AP3S2: variants seen among roughly 807,000 people sequenced by gnomAD.
AP3S2 encodes the protein adaptor related protein complex 3 subunit sigma 2.
Under a neutral mutation model 23.4 loss-of-function variants are expected in AP3S2, and 22 were observed. That is an observed-to-expected ratio of 0.94 (90% CI 0.67 to 1.34). The LOEUF (loss-of-function observed/expected upper bound fraction) is 1.34, where lower values mean the gene tolerates loss of function less well. AP3S2 is among the 40% of genes most tolerant of loss of function. The pLI, the probability that AP3S2 is intolerant of heterozygous loss-of-function variation, is 0.00. For missense variants in AP3S2, 241 were observed against 236.9 expected, an observed-to-expected ratio of 1.02 and a Z score of -0.11; for synonymous variants, 86 against 87.1, an observed-to-expected ratio of 0.99 and a Z score of 0.07.
Position 89,867,610 on chromosome 15 carries a change from C to A in AP3S2, c.345+3865G>T, listed in dbSNP as rs1272430152. Among the ~76,000 whole-genome samples, 237 of 129,276 alleles carry A rather than the reference C, an allele frequency of 1.8e-3. 3 individuals carry two copies. The highest frequency in any genetic ancestry group is 5.9e-3 in the African/African-American group (200 of 34,168). 84.8% of individuals were successfully genotyped at this position (129,276 alleles called of 152,430 possible). A position where few individuals can be genotyped will look rare whatever the true frequency, so the allele number is the denominator to read the frequency against. On this transcript the variant is annotated intron_variant, in intron 4 of 5. Coordinates refer to ENST00000336418, the MANE Select transcript of AP3S2 (RefSeq NM_005829.5). ...GCCATCACATCTAGGAAGTGAGGAG[C>A]GTCTCTGCCCGGCCGCCCATCGTCT...
At position 89,834,883 on chromosome 15, in the gene AP3S2, G is replaced by A. The variant is rs556034410; in HGVS notation, c.*632C>T. 1 of 151,604 alleles carries A rather than the reference G, an allele frequency of 6.6e-6. No homozygotes were observed. The highest frequency in any genetic ancestry group is 1.9e-4 in the East Asian group (1 of 5,164). 9.4% of individuals were successfully genotyped at this position (151,604 alleles called of 1,614,324 possible). A position where few individuals can be genotyped will look rare whatever the true frequency, so the allele number is the denominator to read the frequency against. On this transcript the variant is annotated 3_prime_UTR_variant, in exon 6 of 6. Transcript: ENST00000336418. ...CCACAGCACTCCAGCCTGGGTGACA[G>A]AGCAAGACTCCACCTCAAAAAAAAA... is the stretch of plus-strand genomic sequence containing the variant.
At chr15:89,862,354 GTTAA>G (rs1177624867) in intron 4 of AP3S2, among the ~76,000 whole-genome samples, 1 of 152,124 alleles carries the variant, frequency 6.6e-6, no homozygotes, top group Non-Finnish European at 1.5e-5. Context: ...TCCCAACTAT[GTTAA>G]TTGTGTTGTG....
chr15:89,865,205 T>A (rs766933709), intron 4 of AP3S2, among the ~76,000 whole-genome samples: 12 of 151,570 alleles, frequency 7.9e-5, no homozygotes, highest in Non-Finnish European at 1.5e-4. Flanking sequence ...CCTGGAAGGC[T>A]GTGTGTCCAT....
intron 4 of AP3S2, among the ~76,000 whole-genome samples, chr15:89,849,356 C>T (rs1261345341): frequency 2.6e-5 from 4 of 151,934 alleles, no homozygotes; most frequent in Admixed American, 6.6e-5. Flanking sequence ...TTGTTAATAT[C>T]TAAGTAATGA....
chr15:89,843,314 G>A (rs963015878), intron 4 of AP3S2, among the ~76,000 whole-genome samples: 8 of 151,298 alleles, frequency 5.3e-5, no homozygotes, highest in African/African-American at 1.7e-4. Context: ...ACAAAAGGAA[G>A]CACTTGTGCC....
At position 89,856,857 on chromosome 15, in the gene AP3S2, A is replaced by G. The variant is rs112258930; in HGVS notation, c.345+14618T>C. On this transcript the variant is annotated intron_variant, in intron 4 of 5. Transcript: ENST00000336418. ...CACTGCACTCCAGCCTGGGCAACAG[A>G]GTAAGACTCTGTCTTAAAAAAAAAA... is the stretch of plus-strand genomic sequence containing the variant. 1.4e-4 allele frequency among the ~76,000 whole-genome samples: 21 copies of G among 151,012 alleles called. No homozygotes were observed. In the East Asian group the frequency reaches 3.9e-3, roughly 28 times the overall value.
intron 4 of AP3S2, among the ~76,000 whole-genome samples, chr15:89,855,739 A>G (rs1265407145): frequency 3.5e-5 from 5 of 144,058 alleles, no homozygotes; most frequent in Admixed American, 6.9e-5. Flanking sequence ...AATCCCAGCT[A>G]CTTGGGAGGC....
At chr15:89,893,478 A>G in intron 1 of AP3S2, 4 of 384,726 alleles carry the variant, frequency 1.0e-5, no homozygotes, top group Non-Finnish European at 1.4e-5. Context: ...AGTTCTGGCT[A>G]TAACAAAAAC....
intron 4 of AP3S2, among the ~76,000 whole-genome samples, chr15:89,844,183 G>A (rs940307831): frequency 2.6e-5 from 4 of 151,674 alleles, no homozygotes; most frequent in African/African-American, 7.3e-5. Flanking sequence ...TTTTGGCTAG[G>A]GCCAAAAAAC....
chr15:89,885,294 A>G (rs1441553822), intron 3 of AP3S2, among the ~76,000 whole-genome samples: 1 of 151,908 alleles, frequency 6.6e-6, no homozygotes, highest in Non-Finnish European at 1.5e-5. Flanking sequence ...TCCCAGGTTC[A>G]GGTGATTCTC....
chr15:89,856,972 A>G (rs1181211770), intron 4 of AP3S2, among the ~76,000 whole-genome samples: 2 of 152,306 alleles, frequency 1.3e-5, no homozygotes, highest in East Asian at 3.9e-4. Flanking sequence ...ACTGTCCTGT[A>G]TTGTTTGGAT....
chr15:89,849,557 G>A (rs925945412), intron 4 of AP3S2, among the ~76,000 whole-genome samples: 2 of 151,422 alleles, frequency 1.3e-5, no homozygotes, highest in African/African-American at 2.4e-5. Flanking sequence ...TAGTAGAGAC[G>A]GGGGTTTCAC....
At chr15:89,859,914 C>A (rs906141536) in intron 4 of AP3S2, among the ~76,000 whole-genome samples, 19 of 151,978 alleles carry the variant, frequency 1.3e-4, no homozygotes, top group African/African-American at 4.6e-4. Flanking sequence ...CAGGCACCTG[C>A]CACCATGCCC....
chr15:89,891,736 G>C (rs776303350), intron 1 of AP3S2, among the ~76,000 whole-genome samples: 2 of 151,812 alleles, frequency 1.3e-5, no homozygotes, highest in Non-Finnish European at 2.9e-5. Flanking sequence ...AATAAATAAC[G>C]AATGGCAGGG....
chr15:89,864,083 C>G (rs528333982), intron 4 of AP3S2, among the ~76,000 whole-genome samples: 1 of 152,250 alleles, frequency 6.6e-6, no homozygotes, highest in Middle Eastern at 3.4e-3. Context: ...TTTCCTAATA[C>G]TGCATGAACA....
chr15:89,891,245 G>A (rs753582215), intron 1 of AP3S2, among the ~76,000 whole-genome samples: 2 of 152,048 alleles, frequency 1.3e-5, no homozygotes, highest in Admixed American at 6.6e-5. Flanking sequence ...AGTTTTCAAG[G>A]TACTTTCATC....
chr15:89,892,915 C>T (rs893016600), intron 1 of AP3S2, among the ~76,000 whole-genome samples: 37 of 152,158 alleles, frequency 2.4e-4, no homozygotes, highest in African/African-American at 8.7e-4. Flanking sequence ...CCGCCCGCCT[C>T]GGCCTCCCAA....
At chr15:89,865,446 C>G (rs1407937783) in intron 4 of AP3S2, 1 of 152,176 alleles carries the variant, frequency 6.6e-6, no homozygotes, top group Non-Finnish European at 1.5e-5. Context: ...GATTACCACA[C>G]TGAGAATATA....
chr15:89,879,454 C>A (rs1193739794), intron 3 of AP3S2, among the ~76,000 whole-genome samples: 1 of 151,960 alleles, frequency 6.6e-6, no homozygotes, highest in East Asian at 1.9e-4. Context: ...AACATAGATG[C>A]CCACAAGTAG....
Sources: allele counts gnomAD v4.1 joint callset (sites outside exome capture counted in the v4.1 genomes callset), GRCh38; gene constraint gnomAD v4.1.1; transcripts MANE v1.5; gene names NCBI Gene and HGNC (gene_info 2026-07-23, HGNC 2026-07-21).